The following ATG9B variants were observed in gnomAD, a reference collection of about 807,000 sequenced individuals.
ATG9B encodes autophagy related 9B.
Under a neutral mutation model 92.9 loss-of-function variants are expected in ATG9B, and 92 were observed. The observed-to-expected ratio is 0.99, with a 90% CI of 0.84 to 1.18. The LOEUF is 1.18. ATG9B is among the 50% of genes most tolerant of loss of function. ATG9B has a pLI of 0.00. For missense variants in ATG9B, 1,344 were observed against 1,235.0 expected (o/e 1.09, Z -1.32); for synonymous variants, 599 against 551.4 (o/e 1.09, Z -1.21).
chr7:151,015,874 A>G lies in ATG9B; in HGVS notation c.*14+8T>C. The G allele has an allele frequency of 3.9e-6, 6 of 1,549,412 alleles. No homozygotes were observed. The highest frequency in any genetic ancestry group is 5.2e-6 in the Non-Finnish European group (6 of 1,145,964). Reference sequence around the variant, plus strand: ...TTTCTCCCTCCCCTCACAGGAGGCAATACTGACCCTGAGGAGTCGTCTCAG... The same window carrying G: ...TTTCTCCCTCCCCTCACAGGAGGCAGTACTGACCCTGAGGAGTCGTCTCAG... On this transcript the variant is annotated splice_region_variant and intron_variant, in intron 13 of 13. Transcript: ENST00000639579.
chr7:151,018,929 C>T lies in ATG9B; in HGVS notation c.1409G>A (p.Arg470Gln), dbSNP rs757469880. The T allele has an allele frequency of 1.3e-4, 206 of 1,534,532 alleles. 2 individuals are homozygous for T. The highest frequency in any genetic ancestry group is 1.7e-4 in the Non-Finnish European group (191 of 1,149,518). ...CGCCCCCAGCGCGCCAGGCTCGCGCCGCAGCAGCTCCACGTGGCTATAGAA... is the reference window on the plus strand; with the variant it reads ...CGCCCCCAGCGCGCCAGGCTCGCGCTGCAGCAGCTCCACGTGGCTATAGAA... The part of the protein sequence containing the change: ...HVFYSHVELL[R>Q]REPGALGARG... The change falls in exon 6 of 14, where the codon CGG becomes CAG. Residue 470 changes from arginine to glutamine, a missense_variant. Arg to Gln is a conservative substitution (Grantham distance 43). Transcript: ENST00000639579. The surrounding 1 kb of genome is among the most constrained non-coding windows in gnomAD (Gnocchi z 4.7).
At chr7:151,013,304 G>C (rs3730011), downstream of ATG9B, 37 of 1,614,126 alleles carry the variant, frequency 2.3e-5, no homozygotes, top group East Asian at 7.8e-4. Context: ...ACCGCGACGA[G>C]GTGCAGAACG....
Position 151,019,186 on chromosome 7 carries a change from G to A in ATG9B, c.1152C>T (p.Pro384=). The change falls in exon 6 of 14, where the codon CCC becomes CCT. Residue 384 remains proline, a synonymous_variant. Coordinates refer to ENST00000639579, the MANE Select transcript of ATG9B (RefSeq NM_001317056.2). The stretch of plus-strand genomic sequence containing the variant: ...TGAGGAAAGCCGCACTGCCTCCCCA[G>A]GGCAGCGGGCAGCGGGCCGGCAGCA... ...KGLLPARCPL[P]WGGSAAFLSR... 3 of 1,536,904 alleles carry A rather than the reference G, an allele frequency of 2.0e-6. No individual in the cohort carries two copies. Among genetic ancestry groups the A allele is most frequent in the South Asian group, 1.2e-5 (1 of 84,094 alleles).
At position 151,016,833 on chromosome 7, in the gene ATG9B, A is replaced by T; in HGVS notation, c.2290-12T>A. The T allele has an allele frequency of 1.3e-6, 2 of 1,591,696 alleles. No homozygotes were observed. The highest frequency in any genetic ancestry group is 2.2e-5 in the East Asian group (1 of 44,784). ...AGGAAGGCCTCAGGCTGGGTGCAAG[A>T]GGAGAGGGAAAGCCAAAGAGGGAGT... On this transcript the variant is annotated splice_polypyrimidine_tract_variant and intron_variant, in intron 9 of 13. Transcript: ENST00000639579.
chr7:151,017,389 T>C (rs1158090277), intron 8 of ATG9B, 117 bp from the exon 9 acceptor site: 1 of 1,017,830 alleles, frequency 9.8e-7, no homozygotes, highest in Admixed American at 2.5e-5. Flanking sequence ...TGGGGACTTG[T>C]TCACCATCAC....
Position 151,017,244 on chromosome 7 carries a change from G to A in ATG9B, c.2081C>T (p.Ser694Leu), listed in dbSNP as rs556638419. 170 of 1,605,310 alleles carry A rather than the reference G, an allele frequency of 1.1e-4. 4 individuals carry two copies. The South Asian group carries it at 1.8e-3, about 17-fold the overall frequency. Residue 694 changes from serine to leucine, a missense_variant, in exon 9 of 14, where the codon TCG becomes TTG. Physicochemically the swap from Ser to Leu is moderately radical, Grantham distance 145 (BLOSUM62 -2). Transcript: ENST00000639579. ...GCCGTCCTCCGCACGCTGAGACAGC[G>A]AGGCCTCAGTCTGTCCCGCCGAGAG... ...QWLSAGQTEA[S>L]LSQRAEDGKT...
rs1265009583 is a variant in ATG9B, at chr7:151,023,956, G to A, written c.468C>T (p.Asp156=). Residue 156 remains aspartate, a synonymous_variant, in exon 1 of 14, where the codon GAC becomes GAT. Coordinates refer to ENST00000639579, the MANE Select transcript of ATG9B (RefSeq NM_001317056.2). ...AGTCTTGGGACCCCTCAGGGTCACA[G>A]TCCTCCAGCCGCTCATAATCCTGTT... ...IPEQDYERLE[D]CDPEGSQDSP... is the part of the protein sequence containing the mutation. 2 of 1,589,210 alleles carry A rather than the reference G, an allele frequency of 1.3e-6. No homozygotes were observed. The highest frequency in any genetic ancestry group is 2.3e-5 in the South Asian group (2 of 87,970).
Position 151,015,895 on chromosome 7 carries a change from C to A in ATG9B, c.*1G>T. On this transcript the variant is annotated 3_prime_UTR_variant, in exon 13 of 14. Coordinates refer to ENST00000639579, the MANE Select transcript of ATG9B (RefSeq NM_001317056.2). The stretch of plus-strand genomic sequence containing the variant: ...GGCAATACTGACCCTGAGGAGTCGT[C>A]TCAGTCAGTGCAAGAGGCCCGGTCA... The A allele has an allele frequency of 6.4e-7, 1 of 1,551,384 alleles. No individual in the cohort carries two copies. The highest frequency in any genetic ancestry group is 1.2e-5 in the South Asian group (1 of 84,018).
In ATG9B at chr7:151,018,140, G is replaced by A; in HGVS notation, c.1873-90C>T. 1 of 1,470,866 alleles carries A rather than the reference G, an allele frequency of 6.8e-7. No individual in the cohort carries two copies. The highest frequency in any genetic ancestry group is 1.4e-5 in the South Asian group (1 of 71,728). 91.1% of individuals were successfully genotyped at this position (1,470,866 alleles called of 1,614,324 possible). On this transcript the variant is annotated intron_variant, in intron 7 of 13. Coordinates refer to ENST00000639579, the MANE Select transcript of ATG9B (RefSeq NM_001317056.2). The surrounding 1 kb of genome is among the most constrained non-coding windows in gnomAD (Gnocchi z 4.7). ...AGCAGTCCCCAGCGACCCTCGCCAG[G>A]GCAAGAAGCCTCCCCACCCAGTCAC...
rs773003132 is a variant in ATG9B, at chr7:151,021,258, C to A, written c.893G>T (p.Arg298Leu). The A allele has an allele frequency of 5.0e-6, 8 of 1,613,444 alleles. No homozygotes were observed. The highest frequency in any genetic ancestry group is 5.9e-6 in the Non-Finnish European group (7 of 1,179,890). The change falls in exon 5 of 14, where the codon CGC (arginine) becomes CTC (leucine). Residue 298 changes from arginine (R) to leucine (L), a missense_variant. Arg to Leu is a moderately radical substitution (Grantham distance 102). Transcript: ENST00000639579. The part of the protein sequence containing the change: ...AAGFWLVQLL[R>L]SVCNLFSYWD... ...GTAGCTGAAGAGGTTGCAGACTGAG[C>A]GAAGCAGTTGGACCAGCCAGAAGCC...
chr7:151,016,718 G>A lies in ATG9B; in HGVS notation c.2393C>T (p.Ala798Val). The A allele has an allele frequency of 6.2e-7, 1 of 1,608,460 alleles. No individual in the cohort carries two copies. Among genetic ancestry groups the A allele is most frequent in the East Asian group, 2.2e-5 (1 of 44,734 alleles). The change falls in exon 10 of 14, where the codon GCC becomes GTC. Residue 798 changes from alanine to valine, a missense_variant. Transcript: ENST00000639579. The part of the protein sequence containing the change: ...CPAAATASLL[A>V]SISRIAQDPS... ...GTCCTGGGCAATTCGGGAAATGGAG[G>A]CAAGGAGGCTGGCTGTGGCCGCAGC...
Position 151,018,236 on chromosome 7 carries a change from C to A in ATG9B, c.1872+58G>T. 1 of 1,509,216 alleles carries A rather than the reference C, an allele frequency of 6.6e-7. No individual in the cohort carries two copies. 93.5% of individuals were successfully genotyped at this position (1,509,216 alleles called of 1,614,324 possible). A position where few individuals can be genotyped will look rare whatever the true frequency, so the allele number is the denominator to read the frequency against. ...GACAGACCCTCCGCGCAGACAGACCCTCCGCGCAGACAGACCCCACAACTT... is the reference window on the plus strand; with the variant it reads ...GACAGACCCTCCGCGCAGACAGACCATCCGCGCAGACAGACCCCACAACTT... On this transcript the variant is annotated intron_variant, in intron 7 of 13. Coordinates refer to ENST00000639579, the MANE Select transcript of ATG9B (RefSeq NM_001317056.2). The surrounding 1 kb of genome is among the most constrained non-coding windows in gnomAD (Gnocchi z 4.7).
intron 4 of ATG9B, among the ~76,000 whole-genome samples, chr7:151,021,929 G>A (rs1795768524): frequency 6.6e-6 from 1 of 151,616 alleles, no homozygotes; most frequent in Admixed American, 6.6e-5. Context: ...GATTACAGGT[G>A]TGAGCCACCA....
Position 151,017,887 on chromosome 7 carries a change from C to G in ATG9B, c.2036G>C (p.Arg679Pro), listed in dbSNP as rs775456884. Residue 679 changes from arginine to proline, a missense_variant, in exon 8 of 14, where the codon CGC (arginine) becomes CCC (proline). By Grantham distance (103) the Arg-to-Pro change is moderately radical. Coordinates refer to ENST00000639579, the MANE Select transcript of ATG9B (RefSeq NM_001317056.2). ...ICSFALMDVK[R>P]HGHPQWLSAG... The stretch of plus-strand genomic sequence containing the variant: ...GGCTCTGACCTGAGGGTGTCCGTGG[C>G]GCTTCACATCCATAAGGGCAAAGGA... 3 of 1,608,196 alleles carry G rather than the reference C, an allele frequency of 1.9e-6. No homozygotes were observed. The highest frequency in any genetic ancestry group is 2.5e-6 in the Non-Finnish European group (3 of 1,177,224).
rs780325907 is a variant in ATG9B, at chr7:151,018,349, G to C, written c.1817C>G (p.Pro606Arg). 13 of 1,597,832 alleles carry C rather than the reference G, an allele frequency of 8.1e-6. No individual in the cohort carries two copies. The South Asian group carries it at 1.3e-4, about 17-fold the overall frequency. ...CCGGTAGGCGCGGTCCCTGCCGCCG[G>C]GGCCGGGCTCCTCCGGGAGGTAGTG... ...HMHYLPEEPG[P>R]GGRDRAYRQM... The change falls in exon 7 of 14, where the codon CCC becomes CGC. Residue 606 changes from proline to arginine, a missense_variant. Coordinates refer to ENST00000639579, the MANE Select transcript of ATG9B (RefSeq NM_001317056.2). This position sits in a 1 kb window ranked among gnomAD's most constrained non-coding sequence, Gnocchi z 4.7.
Position 151,015,708 on chromosome 7 carries a change from G to T in ATG9B, c.*20C>A. The T allele has an allele frequency of 1.2e-6, 1 of 866,864 alleles. No homozygotes were observed. Among genetic ancestry groups the T allele is most frequent in the Non-Finnish European group, 1.6e-6 (1 of 615,346 alleles). The allele number at this position is 866,864 out of a possible 1,614,324, so 53.7% of individuals were successfully genotyped here. A position where few individuals can be genotyped will look rare whatever the true frequency, so the allele number is the denominator to read the frequency against. On this transcript the variant is annotated 3_prime_UTR_variant, in exon 14 of 14. Coordinates refer to ENST00000639579, the MANE Select transcript of ATG9B (RefSeq NM_001317056.2). ...CAATCTCCTGTGGCTGCCGAAGCCA[G>T]GGTACCTGTGGGAGGAGACGGCTCT...
chr7:151,012,320 A>C, downstream of ATG9B: 2 of 1,536,654 alleles, frequency 1.3e-6, no homozygotes, highest in African/African-American at 1.4e-5. Flanking sequence ...GGAAAGGCAA[A>C]GGGGACCTGA....
Position 151,017,077 on chromosome 7 carries a change from G to C in ATG9B, c.2248C>G (p.Pro750Ala). 1 of 1,607,340 alleles carries C rather than the reference G, an allele frequency of 6.2e-7. No individual in the cohort carries two copies. The highest frequency in any genetic ancestry group is 8.5e-7 in the Non-Finnish European group (1 of 1,177,570). Residue 750 changes from proline to alanine, a missense_variant, in exon 9 of 14, where the codon CCC (proline) becomes GCC (alanine). By Grantham distance (27) the Pro-to-Ala change is conservative. Coordinates refer to ENST00000639579, the MANE Select transcript of ATG9B (RefSeq NM_001317056.2). ...AAWGATSARG[P>A]STPGVLSNCT... is the part of the protein sequence containing the mutation. ...TTGCTGAGCACCCCCGGGGTGGAGG[G>C]GCCGCGAGCCGAGGTGGCACCCCAG...
In ATG9B at chr7:151,018,363, C is replaced by T. The variant is rs760431999; in HGVS notation, c.1803G>A (p.Pro601=). 1 of 1,599,344 alleles carries T rather than the reference C, an allele frequency of 6.3e-7. No individual in the cohort carries two copies. Among genetic ancestry groups the T allele is most frequent in the Admixed American group, 1.7e-5 (1 of 57,912 alleles). Residue 601 remains proline (P), a synonymous_variant, in exon 7 of 14, where the codon CCG becomes CCA. Transcript: ENST00000639579. The surrounding 1 kb of genome is among the most constrained non-coding windows in gnomAD (Gnocchi z 4.7). ...CCCTGCCGCCGGGGCCGGGCTCCTC[C>T]GGGAGGTAGTGCATGTGGGCCAGGG... ...QTALAHMHYL[P]EEPGPGGRDR...
Sources: allele counts gnomAD v4.1 joint callset (sites outside exome capture counted in the v4.1 genomes callset), GRCh38; gene constraint gnomAD v4.1.1; non-coding constraint Gnocchi (gnomAD v3.1); transcripts MANE v1.5; gene names NCBI Gene and HGNC (gene_info 2026-07-23, HGNC 2026-07-21).